Variants in BAG4 observed in about 807,000 individuals in gnomAD.
BAG4 encodes the protein BAG family molecular chaperone regulator 4.
In BAG4, 28 loss-of-function variants were observed where a neutral mutation model predicts 52.1. The ratio of observed to expected loss-of-function variants is 0.54; its 90% confidence interval spans 0.40 to 0.74. BAG4 has a LOEUF of 0.74. BAG4 is among the 30% of genes least tolerant of loss of function. The pLI, the probability that BAG4 is intolerant of heterozygous loss-of-function variation, is 0.00. For synonymous variants in BAG4, 208 were observed against 217.0 expected (o/e 0.96, Z 0.37); for missense variants, 525 against 572.0 (o/e 0.92, Z 0.84).
chr8:38,201,845 T>G (rs960226899), intron 2 of BAG4: 1 of 7,990 alleles, frequency 1.3e-4, no homozygotes, highest in Non-Finnish European at 2.4e-4. Context: ...TATATATATA[T>G]ATATATATAT....
rs113006123 is a variant in BAG4, at chr8:38,195,465, T to C, written c.378+2670T>C. 6.5e-3 allele frequency among the ~76,000 whole-genome samples: 986 copies of C among 152,270 alleles called. 10 individuals are homozygous for C. The highest frequency in any genetic ancestry group is 0.021 in the African/African-American group (892 of 41,554). Reference sequence around the variant, plus strand: ...CACCATGCCTTGCTAATTTGTTTGCTTTTTTTGTAGAGACAGGGTCTTGCT... The same window carrying C: ...CACCATGCCTTGCTAATTTGTTTGCCTTTTTTGTAGAGACAGGGTCTTGCT... On this transcript the variant is annotated intron_variant, in intron 2 of 4. Transcript: ENST00000287322.
At chr8:38,206,880 A>G (rs1803776387) in intron 2 of BAG4, among the ~76,000 whole-genome samples, 1 of 151,988 alleles carries the variant, frequency 6.6e-6, no homozygotes, top group African/African-American at 2.4e-5. Flanking sequence ...TCCTGGGCTC[A>G]AGCAATCCTC....
Position 38,212,099 on chromosome 8 carries a change from G to A in BAG4, c.*1606G>A, listed in dbSNP as rs898293326. The stretch of plus-strand genomic sequence containing the variant: ...ATGAGTGATTTTATAAGATAATATG[G>A]TGATAATTTTATTCTAGGATTTTAT... On this transcript the variant is annotated 3_prime_UTR_variant, in exon 5 of 5. Coordinates refer to ENST00000287322, the MANE Select transcript of BAG4 (RefSeq NM_004874.4). 6.6e-6 allele frequency: 1 copy of A among 152,052 alleles called. No individual in the cohort carries two copies. The highest frequency in any genetic ancestry group is 6.6e-5 in the Admixed American group (1 of 15,250). 9.4% of individuals were successfully genotyped at this position (152,052 alleles called of 1,614,324 possible).
intron 3 of BAG4, 134 bp from the exon 4 acceptor site, chr8:38,208,879 C>A: frequency 8.9e-7 from 1 of 1,121,932 alleles, no homozygotes; most frequent in Non-Finnish European, 1.2e-6. Flanking sequence ...ATTAGATTTA[C>A]TACAGTTTAG....
chr8:38,191,778 A>C (rs1051690060), intron 1 of BAG4, among the ~76,000 whole-genome samples: 2 of 151,868 alleles, frequency 1.3e-5, no homozygotes, highest in African/African-American at 4.8e-5. Flanking sequence ...AAAAAAAAAA[A>C]AAAACCCTAA....
rs148882011 is a variant in BAG4 at position 38,199,526 on chromosome 8, C to CTT, written c.378+6745_378+6746dup. Reference sequence around the variant, plus strand: ...TCATAAAGATTCACTCCTGTGATTTCTTTTTTTTTTTTTTTGAGGCAGAGT... The same window carrying CTT: ...TCATAAAGATTCACTCCTGTGATTTCTTTTTTTTTTTTTTTTTGAGGCAGAGT... On this transcript the variant is annotated intron_variant, in intron 2 of 4. Transcript: ENST00000287322. 3.5e-3 allele frequency among the ~76,000 whole-genome samples: 492 copies of CTT among 141,510 alleles called. 3 individuals carry two copies. Among genetic ancestry groups the CTT allele is most frequent in the African/African-American group, 4.6e-3 (177 of 38,544 alleles). 92.8% of individuals were successfully genotyped at this position (141,510 alleles called of 152,430 possible). A position where few individuals can be genotyped will look rare whatever the true frequency, so the allele number is the denominator to read the frequency against.
chr8:38,184,550 G>A (rs922656746), intron 1 of BAG4, among the ~76,000 whole-genome samples: 4 of 152,056 alleles, frequency 2.6e-5, no homozygotes, highest in South Asian at 2.1e-4. Flanking sequence ...AGGAGGTGGC[G>A]CCTCCTACCT....
intron 1 of BAG4, among the ~76,000 whole-genome samples, chr8:38,185,186 A>G (rs551726444): frequency 1.3e-5 from 2 of 152,264 alleles, no homozygotes; most frequent in East Asian, 1.9e-4. Flanking sequence ...GGTGCCTGGC[A>G]TATATACTAA....
At chr8:38,184,671 G>A (rs184802027) in intron 1 of BAG4, among the ~76,000 whole-genome samples, 15 of 152,240 alleles carry the variant, frequency 9.9e-5, no homozygotes, top group African/African-American at 3.4e-4. Context: ...CAGACAGGAA[G>A]AAGCAAGTCC....
chr8:38,210,278 C>T lies in BAG4; in HGVS notation c.1159C>T (p.Leu387=), dbSNP rs1326566478. The T allele has an allele frequency of 5.0e-6, 8 of 1,613,958 alleles. No individual in the cohort carries two copies. Among genetic ancestry groups the T allele is most frequent in the Non-Finnish European group, 6.8e-6 (8 of 1,180,024 alleles). The part of the protein sequence containing the change: ...PPSIKKIIHV[L]EKVQYLEQEV... Reference sequence around the variant, plus strand: ...GAGTATTAAAAAAATCATACATGTGCTGGAGAAGGTCCAGTATCTTGAACA... The same window carrying T: ...GAGTATTAAAAAAATCATACATGTGTTGGAGAAGGTCCAGTATCTTGAACA... Residue 387 remains leucine (L), a synonymous_variant, in exon 5 of 5, where the codon CTG becomes TTG. Coordinates refer to ENST00000287322, the MANE Select transcript of BAG4 (RefSeq NM_004874.4).
At chr8:38,209,377 G>T in intron 4 of BAG4, 110 bp downstream of exon 4, 1 of 1,448,094 alleles carries the variant, frequency 6.9e-7, no homozygotes, top group Non-Finnish European at 9.3e-7. Flanking sequence ...ATTACAAAAA[G>T]TTGGTGACTA....
At chr8:38,191,781 A>C (rs1585656793) in intron 1 of BAG4, among the ~76,000 whole-genome samples, 2 of 151,434 alleles carry the variant, frequency 1.3e-5, no homozygotes, top group South Asian at 4.2e-4. Flanking sequence ...AAAAAAAAAA[A>C]ACCCTAAATC....
chr8:38,192,908 A>T, intron 2 of BAG4, 113 bp downstream of exon 2: 1 of 682,498 alleles, frequency 1.5e-6, no homozygotes, highest in Non-Finnish European at 2.4e-6. Context: ...TCTTTGCTTT[A>T]ATGGGCTCCA....
chr8:38,193,920 G>A (rs1048084018), intron 2 of BAG4, among the ~76,000 whole-genome samples: 5 of 152,124 alleles, frequency 3.3e-5, no homozygotes, highest in Admixed American at 6.6e-5. Context: ...TGTATTTTTA[G>A]TAGAGATGGG....
In BAG4 at chr8:38,176,934, G is replaced by A; in HGVS notation, c.65G>A (p.Gly22Glu). 1 of 1,553,244 alleles carries A rather than the reference G, an allele frequency of 6.4e-7. No homozygotes were observed. The highest frequency in any genetic ancestry group is 1.2e-5 in the South Asian group (1 of 84,348). The change falls in exon 1 of 5, where the codon GGG becomes GAG. Residue 22 changes from glycine to glutamate, a missense_variant. Gly to Glu is a moderately conservative substitution (Grantham distance 98). Around this residue, in one of 2 missense-constraint regions of BAG4, gnomAD observed 287 missense variants for 266.1 expected, o/e 1.08. Transcript: ENST00000287322. ...GGTCCGTCCTACGGCCGCTACTACG[G>A]GCCTGGGGGTGGAGATGTGCCGGTA... ...SDGPSYGRYY[G>E]PGGGDVPVHP...
At chr8:38,198,113 G>T (rs1456969982) in intron 2 of BAG4, among the ~76,000 whole-genome samples, 1 of 151,860 alleles carries the variant, frequency 6.6e-6, no homozygotes, top group African/African-American at 2.4e-5. Flanking sequence ...GGCCGGGCGC[G>T]GTGGCTCACT....
chr8:38,205,990 C>G lies in BAG4; in HGVS notation c.379-1522C>G, dbSNP rs540507261. On this transcript the variant is annotated intron_variant, in intron 2 of 4. Transcript: ENST00000287322. ...GAGGCTGGTCTGTAACTCCTGAGCT[C>G]AAGTGATCCTCCCTCCTAGGCTGGA... Among the ~76,000 whole-genome samples the G allele has an allele frequency of 4.7e-5, 7 of 149,768 alleles. No homozygotes were observed. In the South Asian group the frequency reaches 1.5e-3, roughly 32 times the overall value.
At chr8:38,186,541 T>C (rs1476380102) in intron 1 of BAG4, among the ~76,000 whole-genome samples, 2 of 152,242 alleles carry the variant, frequency 1.3e-5, no homozygotes, top group South Asian at 2.1e-4. Context: ...TCACTGGAGA[T>C]GCAGGATAAA....
intron 2 of BAG4, 92 bp from the exon 3 acceptor site, chr8:38,207,420 C>T (rs1040382664): frequency 7.1e-7 from 1 of 1,398,976 alleles, no homozygotes; most frequent in Non-Finnish European, 9.8e-7. Context: ...TGATTAACAT[C>T]TTCTCAAAGT....
Sources: allele counts gnomAD v4.1 joint callset (sites outside exome capture counted in the v4.1 genomes callset), GRCh38; gene constraint gnomAD v4.1.1; regional missense constraint gnomAD v4.1.1; transcripts MANE v1.5; gene names NCBI Gene and HGNC (gene_info 2026-07-23, HGNC 2026-07-21).